Variants in AKAP6 observed in about 807,000 individuals in gnomAD.
AKAP6 encodes the protein A-kinase anchoring protein 6.
AKAP6 carries 58 observed loss-of-function variants against 188.5 expected under a neutral mutation model. The observed-to-expected ratio is 0.31, with a 90% CI of 0.25 to 0.38. The LOEUF is 0.38. AKAP6 is among the 10% of genes least tolerant of loss of function. The pLI is 1.00. For missense variants in AKAP6, 2,710 were observed against 2,740.0 expected, an observed-to-expected ratio of 0.99 and a Z score of 0.24; for synonymous variants, 989 against 998.6, an observed-to-expected ratio of 0.99 and a Z score of 0.18.
At chr14:32,771,707 A>G (rs187553057) in intron 11 of AKAP6, among the ~76,000 whole-genome samples, 1 of 152,312 alleles carries the variant, frequency 6.6e-6, no homozygotes, top group Admixed American at 6.5e-5. Context: ...TCATTTGGCT[A>G]AGAACTTTGG....
chr14:32,555,789 C>T (rs1883661469), intron 4 of AKAP6, among the ~76,000 whole-genome samples: 1 of 152,126 alleles, frequency 6.6e-6, no homozygotes, highest in African/African-American at 2.4e-5. Flanking sequence ...CTTTTTAGGG[C>T]TGAATAATAT....
At chr14:32,543,663 G>A (rs1009383122) in intron 3 of AKAP6, among the ~76,000 whole-genome samples, 1 of 152,168 alleles carries the variant, frequency 6.6e-6, no homozygotes, top group Non-Finnish European at 1.5e-5. Flanking sequence ...AAACAAAGAA[G>A]TAACAGATTT....
chr14:32,818,773 C>G (rs1318330917), intron 12 of AKAP6, among the ~76,000 whole-genome samples: 1 of 152,086 alleles, frequency 6.6e-6, no homozygotes, highest in Non-Finnish European at 1.5e-5. Context: ...AGCTCCCAGC[C>G]CATCCAGATG....
chr14:32,682,995 C>CTTTTTTTTTTTTTTTTTTTTTTTTTTT (rs71115090), intron 8 of AKAP6, among the ~76,000 whole-genome samples: 5 of 142,258 alleles, frequency 3.5e-5, no homozygotes, highest in East Asian at 2.2e-4. Flanking sequence ...TTTTTTCTTC[C>CTTTTTTTTTTTTTTTTTTTTTTTTTTT]TTTTTTTTTT....
At chr14:32,334,773 G>T (rs1400021965) in intron 1 of AKAP6, among the ~76,000 whole-genome samples, 1 of 152,100 alleles carries the variant, frequency 6.6e-6, no homozygotes, top group Non-Finnish European at 1.5e-5. Context: ...GAATTCCTGA[G>T]TTGGCTTTAA....
At chr14:32,743,898 G>A (rs2139873749) in intron 11 of AKAP6, among the ~76,000 whole-genome samples, 1 of 152,234 alleles carries the variant, frequency 6.6e-6, no homozygotes, top group South Asian at 2.1e-4. Context: ...GTGATTACTT[G>A]TTGCTCACTA....
chr14:32,390,184 T>A (rs1196819160), intron 1 of AKAP6, among the ~76,000 whole-genome samples: 1 of 152,152 alleles, frequency 6.6e-6, no homozygotes, highest in Admixed American at 6.6e-5. Flanking sequence ...GTGTGTCCAT[T>A]GTTTCCTGAA....
intron 2 of AKAP6, among the ~76,000 whole-genome samples, chr14:32,448,700 G>A (rs1391607609): frequency 1.3e-5 from 2 of 152,074 alleles, no homozygotes; most frequent in East Asian, 3.9e-4. Flanking sequence ...GTAATATTTT[G>A]CATACTATAT....
intron 5 of AKAP6, among the ~76,000 whole-genome samples, chr14:32,597,305 C>CA (rs1885744910): frequency 6.6e-6 from 1 of 152,098 alleles, no homozygotes; most frequent in Non-Finnish European, 1.5e-5. Flanking sequence ...TGTAAGTAAA[C>CA]AGTGAATCAA....
chr14:32,425,574 GGAAA>G (rs1000073367), intron 1 of AKAP6, among the ~76,000 whole-genome samples: 8 of 151,276 alleles, frequency 5.3e-5, no homozygotes. Flanking sequence ...GGGCAACAGA[GGAAA>G]GAAAGAAAGA....
intron 9 of AKAP6, chr14:32,718,333 C>A (rs75608738): frequency 1.0e-6 from 1 of 985,016 alleles, no homozygotes; most frequent in African/African-American, 1.7e-5. Flanking sequence ...AGCCTTAAAG[C>A]CTAAAATCTC....
intron 4 of AKAP6, among the ~76,000 whole-genome samples, chr14:32,552,376 T>A (rs953144515): frequency 6.6e-6 from 1 of 152,160 alleles, no homozygotes; most frequent in East Asian, 1.9e-4. Flanking sequence ...AGCTCAGTTA[T>A]GAGACAGGAA....
At chr14:32,493,513 A>C (rs1477857326) in intron 2 of AKAP6, among the ~76,000 whole-genome samples, 1 of 152,118 alleles carries the variant, frequency 6.6e-6, no homozygotes, top group Non-Finnish European at 1.5e-5. Flanking sequence ...ACCCGGCCTA[A>C]GGCACACTAA....
chr14:32,426,568 C>G (rs1052766931), intron 1 of AKAP6, among the ~76,000 whole-genome samples: 10 of 152,108 alleles, frequency 6.6e-5, no homozygotes, highest in African/African-American at 2.4e-4. Flanking sequence ...TCTGTCATGA[C>G]AATTTCTTGA....
intron 2 of AKAP6, among the ~76,000 whole-genome samples, chr14:32,492,355 T>TATATAGAG: frequency 6.1e-5 from 5 of 82,578 alleles, no homozygotes; most frequent in South Asian, 7.0e-4. Context: ...TATATATATA[T>TATATAGAG]AGAGAGAGAG....
At chr14:32,618,143 GC>G (rs1566607632) in intron 7 of AKAP6, among the ~76,000 whole-genome samples, 1 of 152,036 alleles carries the variant, frequency 6.6e-6, no homozygotes, top group Non-Finnish European at 1.5e-5. Flanking sequence ...GAAAAACAAA[GC>G]AATCTACTAT....
chr14:32,820,204 C>T (rs115807537), intron 12 of AKAP6, among the ~76,000 whole-genome samples: 1,732 of 151,978 alleles, frequency 0.011, 29 homozygotes, highest in African/African-American at 0.039. Context: ...TGCTTGGCTA[C>T]GCTGCATAAG....
intron 12 of AKAP6, among the ~76,000 whole-genome samples, chr14:32,811,532 A>G (rs2034234988): frequency 6.6e-6 from 1 of 152,134 alleles, no homozygotes; most frequent in South Asian, 2.1e-4. Flanking sequence ...AACTGTAACT[A>G]TGGGTCAGAA....
chr14:32,531,053 G>T (rs749828975), intron 2 of AKAP6, among the ~76,000 whole-genome samples: 6 of 152,192 alleles, frequency 3.9e-5, no homozygotes, highest in Non-Finnish European at 8.8e-5. Context: ...AGACAGCAAG[G>T]TATCTGGAAG....
Sources: gnomAD v4.1 joint callset for allele counts (sites outside exome capture counted in the v4.1 genomes callset) on GRCh38, gnomAD v4.1.1 for gene constraint, MANE v1.5 for transcripts, NCBI Gene and HGNC (gene_info 2026-07-23, HGNC 2026-07-21) for gene names.